Variants in SCFD2 observed in about 807,000 individuals in gnomAD.
SCFD2 encodes the protein sec1 family domain containing 2, also known as sec1 family domain-containing protein 2.
In SCFD2, 54 loss-of-function variants were observed where a neutral mutation model predicts 58.9. The ratio of observed to expected loss-of-function variants is 0.92; its 90% confidence interval spans 0.74 to 1.15. The LOEUF (loss-of-function observed/expected upper bound fraction) is 1.15. Among genes scored for constraint, SCFD2 ranks in the 50% most tolerant of loss-of-function variants. SCFD2 has a pLI of 0.00. For synonymous variants in SCFD2, 321 were observed against 335.9 expected, an observed-to-expected ratio of 0.96 and a Z score of 0.49; for missense variants, 805 against 836.6, an observed-to-expected ratio of 0.96 and a Z score of 0.47.
rs868521256 is a variant in SCFD2, at chr4:53,237,075, A to G, written c.1311+36751T>C. ...CATGCTGCCTTCAAGCATCTGTTTA[A>G]CAAAGCACATCTTGCACCGCCCTTA... On this transcript the variant is annotated intron_variant, in intron 4 of 8. Coordinates refer to ENST00000401642, the MANE Select transcript of SCFD2 (RefSeq NM_152540.4). 4.2e-4 allele frequency among the ~76,000 whole-genome samples: 63 copies of G among 149,434 alleles called. 1 individual carries two copies. In the South Asian group the frequency reaches 0.013, roughly 32 times the overall value.
intron 5 of SCFD2, among the ~76,000 whole-genome samples, chr4:53,023,422 G>A (rs954976828): frequency 9.9e-5 from 15 of 151,978 alleles, no homozygotes; most frequent in African/African-American, 3.6e-4. Flanking sequence ...TATTGGTATG[G>A]CCGTAGGAGG....
intron 8 of SCFD2, among the ~76,000 whole-genome samples, chr4:52,881,109 C>CACAGGCAGG (rs1003326728): frequency 2.6e-5 from 4 of 152,238 alleles, no homozygotes; most frequent in Admixed American, 1.3e-4. Context: ...TCCCAACAGC[C>CACAGGCAGG]ACAGGCAGGA....
chr4:53,132,031 C>T (rs1725799640), intron 5 of SCFD2, among the ~76,000 whole-genome samples: 6 of 152,124 alleles, frequency 3.9e-5, no homozygotes, highest in Admixed American at 3.9e-4. Flanking sequence ...AAGATTCATT[C>T]CAGTGTCTCA....
At chr4:53,359,338 A>G (rs980176217) in intron 1 of SCFD2, among the ~76,000 whole-genome samples, 2 of 152,254 alleles carry the variant, frequency 1.3e-5, no homozygotes, top group African/African-American at 4.8e-5. Flanking sequence ...TATATAAATT[A>G]ACGTCTAAAT....
intron 5 of SCFD2, among the ~76,000 whole-genome samples, chr4:53,040,420 C>G (rs769703124): frequency 6.6e-6 from 1 of 151,854 alleles, no homozygotes; most frequent in Non-Finnish European, 1.5e-5. Flanking sequence ...GATTTTTTTT[C>G]TCCAACCATA....
intron 2 of SCFD2, among the ~76,000 whole-genome samples, chr4:53,314,574 C>A (rs1481063411): frequency 1.3e-5 from 2 of 152,276 alleles, no homozygotes; most frequent in South Asian, 4.2e-4. Flanking sequence ...TGACTTCTGT[C>A]CCTTTCTAAA....
chr4:53,255,584 G>C (rs371773565), intron 4 of SCFD2, among the ~76,000 whole-genome samples: 139 of 152,224 alleles, frequency 9.1e-4, no homozygotes, highest in African/African-American at 2.0e-3. Context: ...TAGTACAGAA[G>C]AAAATGAAAA....
chr4:53,034,007 C>G (rs1277077642), intron 5 of SCFD2, among the ~76,000 whole-genome samples: 3 of 151,972 alleles, frequency 2.0e-5, no homozygotes, highest in African/African-American at 7.2e-5. Context: ...AGAGACACAA[C>G]AAAAAAAGAA....
intron 4 of SCFD2, among the ~76,000 whole-genome samples, chr4:53,213,126 T>C (rs1728677252): frequency 6.6e-6 from 1 of 152,132 alleles, no homozygotes; most frequent in Non-Finnish European, 1.5e-5. Flanking sequence ...AATTATTTAG[T>C]AGGTGTAATG....
At chr4:53,105,401 C>T (rs1577731330) in intron 5 of SCFD2, among the ~76,000 whole-genome samples, 1 of 152,092 alleles carries the variant, frequency 6.6e-6, no homozygotes, top group East Asian at 1.9e-4. Context: ...CAGCAGATCC[C>T]ACCCCCATGG....
rs1203579428 is a variant in SCFD2 at position 52,928,630 on chromosome 4, G to A, written c.1562-7760C>T. On this transcript the variant is annotated intron_variant, in intron 5 of 8. Coordinates refer to ENST00000401642, the MANE Select transcript of SCFD2 (RefSeq NM_152540.4). ...CCCCGACTATGCTGATCCCATGACTGTTGGTGCACTGAATCCTGCTTGGTG... is the reference window on the plus strand; with the variant it reads ...CCCCGACTATGCTGATCCCATGACTATTGGTGCACTGAATCCTGCTTGGTG... 1.3e-5 allele frequency among the ~76,000 whole-genome samples: 2 copies of A among 152,154 alleles called. 1 individual carries two copies. Among genetic ancestry groups the A allele is most frequent in the Non-Finnish European group, 2.9e-5 (2 of 68,024 alleles).
intron 5 of SCFD2, among the ~76,000 whole-genome samples, chr4:53,011,395 A>C (rs796626119): frequency 6.6e-6 from 1 of 152,196 alleles, no homozygotes; most frequent in African/African-American, 2.4e-5. Context: ...ACAGTGACAG[A>C]GTTGACAGGA....
chr4:53,247,119 G>C (rs189672069), intron 4 of SCFD2, among the ~76,000 whole-genome samples: 1 of 150,820 alleles, frequency 6.6e-6, no homozygotes, highest in East Asian at 1.9e-4. Flanking sequence ...CTTTTCAAAA[G>C]AAGACATGCA....
Position 53,365,289 on chromosome 4 carries a change from C to T in SCFD2, c.653G>A (p.Cys218Tyr), listed in dbSNP as rs1734662563. 1.9e-6 allele frequency: 3 copies of T among 1,614,086 alleles called. No individual in the cohort carries two copies. The highest frequency in any genetic ancestry group is 1.7e-6 in the Non-Finnish European group (2 of 1,180,048). Residue 218 changes from cysteine (C) to tyrosine (Y), a missense_variant, in exon 1 of 9, where the codon TGC (cysteine) becomes TAC (tyrosine). By Grantham distance (194) the Cys-to-Tyr change is radical (BLOSUM62 -2). This residue lies in a region of SCFD2 where 633 missense variants were observed against 646.8 expected (regional missense o/e 0.98). Transcript: ENST00000401642. The surrounding 1 kb of genome is among the most constrained non-coding windows in gnomAD (Gnocchi z 4.3). Reference sequence around the variant, plus strand: ...CAGAGAACTGAGGCCTGACACTAGGCATCTGATCTGCAGCAGCAGCTCTGG... The same window carrying T: ...CAGAGAACTGAGGCCTGACACTAGGTATCTGATCTGCAGCAGCAGCTCTGG... ...LTPELLLQIRCLVSGLSSLCE... is the reference protein window; with the variant it reads ...LTPELLLQIRYLVSGLSSLCE...
intron 4 of SCFD2, among the ~76,000 whole-genome samples, chr4:53,150,520 A>C (rs1726473363): frequency 6.6e-6 from 1 of 152,230 alleles, no homozygotes; most frequent in African/African-American, 2.4e-5. Context: ...CCTTGACAAT[A>C]ACGAAGAAAA....
chr4:52,942,116 G>A (rs1460320200), intron 5 of SCFD2, among the ~76,000 whole-genome samples: 1 of 152,142 alleles, frequency 6.6e-6, no homozygotes, highest in Non-Finnish European at 1.5e-5. Flanking sequence ...TTTTTCTAGT[G>A]TCTATGTGTG....
At chr4:53,236,847 TA>T (rs71662210) in intron 4 of SCFD2, among the ~76,000 whole-genome samples, 119 of 98,236 alleles carry the variant, frequency 1.2e-3, no homozygotes, top group African/African-American at 3.4e-3. Flanking sequence ...TTTATTTATT[TA>T]TTTATTTTTT....
intron 5 of SCFD2, among the ~76,000 whole-genome samples, chr4:52,978,533 C>A (rs1034576639): frequency 6.6e-6 from 1 of 152,084 alleles, no homozygotes; most frequent in Non-Finnish European, 1.5e-5. Context: ...TAGGACTCAG[C>A]AAATAGTAGT....
intron 5 of SCFD2, among the ~76,000 whole-genome samples, chr4:53,127,823 G>A (rs1201108712): frequency 1.3e-5 from 2 of 152,270 alleles, no homozygotes; most frequent in Middle Eastern, 3.4e-3. Flanking sequence ...GCTCTGAAAA[G>A]TCCAATGTGG....
Sources: allele counts gnomAD v4.1 joint callset (sites outside exome capture counted in the v4.1 genomes callset), GRCh38; gene constraint gnomAD v4.1.1; regional missense constraint gnomAD v4.1.1; non-coding constraint Gnocchi (gnomAD v3.1); transcripts MANE v1.5; gene names NCBI Gene and HGNC (gene_info 2026-07-23, HGNC 2026-07-21).